Variants in SAMD5 observed in about 807,000 individuals in gnomAD.
SAMD5 encodes sterile alpha motif domain-containing protein 5.
SAMD5 carries 13 observed loss-of-function variants against 11.3 expected under a neutral mutation model. That is an observed-to-expected ratio of 1.15 (90% CI 0.75 to 1.83). The LOEUF (loss-of-function observed/expected upper bound fraction) is 1.83. Ranked by LOEUF, SAMD5 falls within the 40% of genes most tolerant of loss-of-function variation. SAMD5 has a pLI of 0.00. For synonymous variants in SAMD5, 129 were observed against 111.3 expected (o/e 1.16, Z -1.00); for missense variants, 255 against 239.1 (o/e 1.07, Z -0.44).
At chr6:147,808,695 T>C in the SAMD5 span, among the ~76,000 whole-genome samples, 5 of 152,212 alleles carry the variant, frequency 3.3e-5, no homozygotes, top group African/African-American at 4.8e-5. Flanking sequence ...ATTTTCCCAG[T>C]TTAAAAAAAT....
intron 1 of SAMD5, among the ~76,000 whole-genome samples, chr6:147,692,760 C>T (rs1202035527): frequency 2.0e-5 from 3 of 152,102 alleles, no homozygotes; most frequent in Admixed American, 1.3e-4. Flanking sequence ...AATGTTGGGG[C>T]CTTTTGCGAT....
intron 1 of SAMD5, among the ~76,000 whole-genome samples, chr6:147,734,711 T>TAAAAAAACAA (rs1791768216): frequency 1.1e-4 from 3 of 26,100 alleles, no homozygotes; most frequent in Non-Finnish European, 2.8e-4. Context: ...AGACTCCATC[T>TAAAAAAACAA]AAAAAAAAAA....
chr6:147,616,223 AT>A (rs60809305), intron 1 of SAMD5, among the ~76,000 whole-genome samples: 16,380 of 131,182 alleles, frequency 0.12, 2,873 homozygotes, highest in African/African-American at 0.38. Context: ...CTTCATATAT[AT>A]TTATTCATAT....
In SAMD5 at chr6:147,566,680, C is replaced by T. The variant is rs1789047437; in HGVS notation, c.*2224C>T. ...GTTAGAATTTGAAAATAACAATGCT[C>T]TGCTTAAAGTAAGAGTCACAGTCAG... is the stretch of plus-strand genomic sequence containing the variant. On this transcript the variant is annotated 3_prime_UTR_variant, in exon 2 of 2. Coordinates refer to ENST00000367474, the MANE Select transcript of SAMD5 (RefSeq NM_001030060.3). 22 of 984,178 alleles carry T rather than the reference C, an allele frequency of 2.2e-5. No individual in the cohort carries two copies. The highest frequency in any genetic ancestry group is 6.1e-5 in the Admixed American group (1 of 16,262). 61.0% of individuals were successfully genotyped at this position (984,178 alleles called of 1,614,324 possible). A position where few individuals can be genotyped will look rare whatever the true frequency, so the allele number is the denominator to read the frequency against.
chr6:147,841,043 G>A, the SAMD5 span, among the ~76,000 whole-genome samples: 1 of 152,182 alleles, frequency 6.6e-6, no homozygotes, highest in Non-Finnish European at 1.5e-5. Context: ...AAAATACATA[G>A]CACTGTTAAA....
the SAMD5 span, among the ~76,000 whole-genome samples, chr6:147,935,349 C>A: frequency 6.6e-6 from 1 of 152,146 alleles, no homozygotes; most frequent in African/African-American, 2.4e-5. Context: ...TGCGATGCTA[C>A]ATCACTACCC....
intron 1 of SAMD5, among the ~76,000 whole-genome samples, chr6:147,720,147 G>C (rs539302477): frequency 1.3e-5 from 2 of 152,290 alleles, no homozygotes; most frequent in Non-Finnish European, 2.9e-5. Flanking sequence ...AGGTAAGAGG[G>C]GGAAAGAGGA....
chr6:147,547,761 A>T (rs1266176874), intron 1 of SAMD5, among the ~76,000 whole-genome samples: 2 of 152,224 alleles, frequency 1.3e-5, no homozygotes, highest in African/African-American at 4.8e-5. Context: ...ACACAAGAAG[A>T]GGAATCACTG....
At chr6:147,892,159 C>T in the SAMD5 span, among the ~76,000 whole-genome samples, 2 of 152,150 alleles carry the variant, frequency 1.3e-5, no homozygotes, top group Non-Finnish European at 2.9e-5. Context: ...CTCCTTGTTT[C>T]CTTCTTTCAT....
the SAMD5 span, among the ~76,000 whole-genome samples, chr6:147,948,078 A>C: frequency 6.6e-6 from 1 of 151,996 alleles, no homozygotes; most frequent in Non-Finnish European, 1.5e-5. Context: ...CTACTTCTCA[A>C]TAACATTTTT....
the SAMD5 span, among the ~76,000 whole-genome samples, chr6:147,779,301 G>C: frequency 6.6e-6 from 1 of 151,842 alleles, no homozygotes; most frequent in Non-Finnish European, 1.5e-5. Flanking sequence ...AGTAAGAGAG[G>C]GTGAAATGCT....
the SAMD5 span, among the ~76,000 whole-genome samples, chr6:147,828,547 C>G: frequency 6.6e-6 from 1 of 152,160 alleles, no homozygotes; most frequent in African/African-American, 2.4e-5. Flanking sequence ...CGTGGAGACA[C>G]TAGACTGGTT....
chr6:147,568,090 T>A lies in SAMD5; in HGVS notation c.*3634T>A. ...GGTACAAATGAGTGAGTGACATATG[T>A]ATATTTTCCTCTGATTTTATGACTG... On this transcript the variant is annotated 3_prime_UTR_variant, in exon 2 of 2. Transcript: ENST00000367474. 1.0e-6 allele frequency: 1 copy of A among 985,378 alleles called. No homozygotes were observed. The highest frequency in any genetic ancestry group is 1.2e-6 in the Non-Finnish European group (1 of 829,900). 61.0% of individuals were successfully genotyped at this position (985,378 alleles called of 1,614,324 possible).
chr6:147,552,919 T>C (rs1218424049), intron 1 of SAMD5, among the ~76,000 whole-genome samples: 1 of 152,242 alleles, frequency 6.6e-6, no homozygotes, highest in African/African-American at 2.4e-5. Context: ...ATAACATTTG[T>C]GGATGACTAA....
rs76321768 is a variant in SAMD5, at chr6:147,580,350, T to A, written c.162+70963T>A. Among the ~76,000 whole-genome samples the A allele has an allele frequency of 1.1e-4, 17 of 152,346 alleles. No individual in the cohort carries two copies. The East Asian group carries it at 3.3e-3, about 29-fold the overall frequency. Reference sequence around the variant, plus strand: ...TCCCCTGACACCTCTTACTTACTTATCAGACCTCCTCTTACGTTATAAAGG... The same window carrying A: ...TCCCCTGACACCTCTTACTTACTTAACAGACCTCCTCTTACGTTATAAAGG... On this transcript the variant is annotated intron_variant, in intron 1 of 1. Coordinates refer to the SAMD5 transcript ENST00000566741.
the SAMD5 span, among the ~76,000 whole-genome samples, chr6:147,809,943 A>G: frequency 1.3e-5 from 2 of 152,128 alleles, no homozygotes; most frequent in African/African-American, 4.8e-5. Context: ...TTCATCTTTC[A>G]TCTTTGTACC....
chr6:147,725,352 G>T (rs7742846), intron 1 of SAMD5, among the ~76,000 whole-genome samples: 3,618 of 151,084 alleles, frequency 0.024, 143 homozygotes, highest in African/African-American at 0.083. Context: ...CTTGTGGGGG[G>T]TGGACTAGCC....
chr6:147,511,365 G>T (rs111963888), intron 1 of SAMD5, among the ~76,000 whole-genome samples: 2,321 of 152,314 alleles, frequency 0.015, 60 homozygotes, highest in African/African-American at 0.053. Context: ...CTAGATCAGT[G>T]GGTGCTATGG....
At chr6:147,590,287 G>T (rs1330573238) in intron 1 of SAMD5, among the ~76,000 whole-genome samples, 1 of 152,112 alleles carries the variant, frequency 6.6e-6, no homozygotes, top group Non-Finnish European at 1.5e-5. Context: ...AAAGGAACTA[G>T]GAGTAATTTT....
Sources: allele counts gnomAD v4.1 joint callset (sites outside exome capture counted in the v4.1 genomes callset), GRCh38; gene constraint gnomAD v4.1.1; transcripts MANE v1.5; gene names NCBI Gene and HGNC (gene_info 2026-07-23, HGNC 2026-07-21).